Variants in TOP1 observed in about 807,000 individuals in gnomAD.
The protein encoded by TOP1 is DNA topoisomerase I, also known as DNA topoisomerase 1.
A neutral mutation model predicts 111.1 loss-of-function variants in TOP1; 10 were observed. The ratio of observed to expected loss-of-function variants is 0.09; its 90% CI spans 0.06 to 0.15. The LOEUF (loss-of-function observed/expected upper bound fraction) is 0.15, where lower values mean the gene tolerates loss of function less well. Ranked by LOEUF, TOP1 falls within the 10% of genes least tolerant of loss-of-function variation. The pLI is 1.00. For synonymous variants in TOP1, 271 were observed against 302.9 expected (o/e 0.89, Z 1.10); for missense variants, 474 against 926.7 (o/e 0.51, Z 6.34).
chr20:41,073,270 T>C, intron 3 of TOP1: 1 of 984,330 alleles, frequency 1.0e-6, no homozygotes. Flanking sequence ...ATGCTTTCAC[T>C]GAGAAAGAGA....
At chr20:41,103,224 C>T (rs1347150877) in intron 13 of TOP1, among the ~76,000 whole-genome samples, 3 of 152,104 alleles carry the variant, frequency 2.0e-5, no homozygotes, top group African/African-American at 4.8e-5. Flanking sequence ...CTAAGCATAC[C>T]GCACATACAT....
In TOP1 at chr20:41,029,946, A is replaced by G. The variant is rs533776451; in HGVS notation, c.58+491A>G. On this transcript the variant is annotated intron_variant, in intron 2 of 20. Coordinates refer to ENST00000361337, the MANE Select transcript of TOP1 (RefSeq NM_003286.4). The surrounding 1 kb of genome is among the most constrained non-coding windows in gnomAD (Gnocchi z 6.1). ...ACTGAATTATTATTTTTTAAACTTT[A>G]TTTTGGGGGTTATTCCCTTTATGCT... is the stretch of plus-strand genomic sequence containing the variant. 1.3e-5 allele frequency among the ~76,000 whole-genome samples: 2 copies of G among 152,134 alleles called. No individual in the cohort carries two copies. Among genetic ancestry groups the G allele is most frequent in the East Asian group, 3.9e-4 (2 of 5,192 alleles).
chr20:41,115,410 C>G lies in TOP1; in HGVS notation c.1678C>G (p.Pro560Ala), dbSNP rs1257438090. The change falls in exon 16 of 21, where the codon CCC becomes GCC. Residue 560 changes from proline to alanine, a missense_variant. Physicochemically the swap from Pro to Ala is conservative, Grantham distance 27. Transcript: ENST00000361337. This position sits in a 1 kb window ranked among gnomAD's most constrained non-coding sequence, Gnocchi z 6.3. ...NLQLFMENKQ[P>A]EDDLFDRLNT... ...ACAACTATTTATGGAGAACAAGCAG[C>G]CCGAGGATGATCTTTTTGATAGACT... 4 of 1,612,778 alleles carry G rather than the reference C, an allele frequency of 2.5e-6. No individual in the cohort carries two copies. The Admixed American group carries it at 6.7e-5, about 27-fold the overall frequency.
rs964000082 is a variant in TOP1, at chr20:41,118,467, G to A, written c.1950+171G>A. Among the ~76,000 whole-genome samples the A allele has an allele frequency of 4.6e-5, 7 of 152,326 alleles. No individual in the cohort carries two copies. Among genetic ancestry groups the A allele is most frequent in the Non-Finnish European group, 1.0e-4 (7 of 68,042 alleles). ...GTAGTTAATCTCTGATCAAGATACTGAATATCAGAGTATCCATTATTCAAG... is the reference window on the plus strand; with the variant it reads ...GTAGTTAATCTCTGATCAAGATACTAAATATCAGAGTATCCATTATTCAAG... On this transcript the variant is annotated intron_variant, in intron 18 of 20. Coordinates refer to ENST00000361337, the MANE Select transcript of TOP1 (RefSeq NM_003286.4). This position sits in a 1 kb window ranked among gnomAD's most constrained non-coding sequence, Gnocchi z 4.6.
In TOP1 at chr20:41,029,677, C is replaced by T; in HGVS notation, c.58+222C>T. The stretch of plus-strand genomic sequence containing the variant: ...CCTCCCAAGAGGGGACAACGGAGAC[C>T]CCGTGTCGTCCGCCACCGGGCCTCG... On this transcript the variant is annotated intron_variant, in intron 2 of 20. Coordinates refer to ENST00000361337, the MANE Select transcript of TOP1 (RefSeq NM_003286.4). The surrounding 1 kb of genome is among the most constrained non-coding windows in gnomAD (Gnocchi z 6.1). 3 of 615,472 alleles carry T rather than the reference C, an allele frequency of 4.9e-6. No homozygotes were observed. The highest frequency in any genetic ancestry group is 8.9e-6 in the Non-Finnish European group (3 of 337,438). The allele number at this position is 615,472 out of a possible 1,614,324, so 38.1% of individuals were successfully genotyped here.
At chr20:41,070,905 A>G (rs888353129) in intron 3 of TOP1, among the ~76,000 whole-genome samples, 8 of 152,204 alleles carry the variant, frequency 5.3e-5, no homozygotes, top group Non-Finnish European at 1.0e-4. Context: ...TGAGTTACTT[A>G]ACTTGTCTGT....
At chr20:41,113,015 T>C (rs928790766) in intron 14 of TOP1, 90 bp downstream of exon 14, 3 of 1,321,426 alleles carry the variant, frequency 2.3e-6, no homozygotes, top group African/African-American at 1.5e-5. Context: ...ACATACTGTA[T>C]ATCACAACTC....
rs575526199 is a variant in TOP1, at chr20:41,079,074, TGGTTAG to T, written c.336-1007_336-1002del. Among the ~76,000 whole-genome samples the T allele has an allele frequency of 6.6e-6, 1 of 152,274 alleles. No homozygotes were observed. The highest frequency in any genetic ancestry group is 2.4e-5 in the African/African-American group (1 of 41,554). On this transcript the variant is annotated intron_variant, in intron 5 of 20. Coordinates refer to ENST00000361337, the MANE Select transcript of TOP1 (RefSeq NM_003286.4). The surrounding 1 kb of genome is among the most constrained non-coding windows in gnomAD (Gnocchi z 4.0). ...GGGAACAGCTGTAGAAGCTGGCATTTGGTTAGGGTGCTAAAATAAGTTCTTTAAACA... is the reference window on the plus strand; with the variant it reads ...GGGAACAGCTGTAGAAGCTGGCATTTGGTGCTAAAATAAGTTCTTTAAACA...
intron 2 of TOP1, among the ~76,000 whole-genome samples, chr20:41,052,999 CA>C (rs200786701): frequency 4.6e-5 from 7 of 151,046 alleles, no homozygotes; most frequent in Non-Finnish European, 8.9e-5. Context: ...AAACAAACAA[CA>C]AAAAAAAACT....
intron 2 of TOP1, among the ~76,000 whole-genome samples, chr20:41,038,796 G>A (rs1397186053): frequency 1.3e-5 from 2 of 152,024 alleles, no homozygotes; most frequent in African/African-American, 4.8e-5. Flanking sequence ...GATCAGCCTG[G>A]GCAACATGGG....
rs2033077760 is a variant in TOP1 at position 41,028,999 on chromosome 20, GGCCGGTTCGCCGTCTGCGTCTCCCCCAC to G, written c.-64_-37del. On this transcript the variant is annotated 5_prime_UTR_variant, in exon 1 of 21. Transcript: ENST00000361337. ...TCCGGAGTCCCCGTCCGCCCGCACA[GGCCGGTTCGCCGTCTGCGTCTCCCCCAC>G]GCCGCCTCGCCTGCCGCCGCGCTCG... The G allele has an allele frequency of 9.1e-6, 13 of 1,427,320 alleles. No homozygotes were observed. The South Asian group carries it at 1.5e-4, about 16-fold the overall frequency. The allele number at this position is 1,427,320 out of a possible 1,614,324, so 88.4% of individuals were successfully genotyped here.
intron 8 of TOP1, among the ~76,000 whole-genome samples, chr20:41,088,510 A>T (rs1019593163): frequency 1.3e-5 from 2 of 152,150 alleles, no homozygotes; most frequent in Non-Finnish European, 2.9e-5. Context: ...CTCAAAAAAT[A>T]AATAAATAAA....
At chr20:41,068,557 T>G (rs1230158065) in intron 3 of TOP1, among the ~76,000 whole-genome samples, 1 of 152,154 alleles carries the variant, frequency 6.6e-6, no homozygotes, top group African/African-American at 2.4e-5. Context: ...TGCACCACCA[T>G]GCTTGGTTAA....
At chr20:41,059,848 T>A (rs1056928752) in intron 2 of TOP1, among the ~76,000 whole-genome samples, 2 of 152,226 alleles carry the variant, frequency 1.3e-5, no homozygotes, top group African/African-American at 4.8e-5. Context: ...AACTAGGTAG[T>A]AAGAAGACCA....
intron 13 of TOP1, among the ~76,000 whole-genome samples, chr20:41,108,757 C>A (rs1356475067): frequency 6.6e-6 from 1 of 152,162 alleles, no homozygotes. Context: ...CCTGCAGTTT[C>A]AACCAAAGAA....
At chr20:41,059,240 A>G (rs570141347) in intron 2 of TOP1, among the ~76,000 whole-genome samples, 85 of 151,938 alleles carry the variant, frequency 5.6e-4, no homozygotes, top group Non-Finnish European at 1.1e-3. Context: ...TTCCTGGGTG[A>G]TGAAATAATC....
Position 41,123,542 on chromosome 20 carries a change from G to C in TOP1, c.*245G>C, listed in dbSNP as rs1371373641. On this transcript the variant is annotated 3_prime_UTR_variant, in exon 21 of 21. Coordinates refer to ENST00000361337, the MANE Select transcript of TOP1 (RefSeq NM_003286.4). This position sits in a 1 kb window ranked among gnomAD's most constrained non-coding sequence, Gnocchi z 5.8. ...AGCTGTATGATTTGTTTTGAATTTT[G>C]TTTTTATTTTCAAGAGGGCAAGTGG... 3 of 393,446 alleles carry C rather than the reference G, an allele frequency of 7.6e-6. No homozygotes were observed. The East Asian group carries it at 1.2e-4, about 16-fold the overall frequency. 24.4% of individuals were successfully genotyped at this position (393,446 alleles called of 1,614,324 possible).
chr20:41,087,396 G>A (rs1288608355), intron 8 of TOP1, among the ~76,000 whole-genome samples: 4 of 152,224 alleles, frequency 2.6e-5, no homozygotes, highest in Admixed American at 1.3e-4. Flanking sequence ...GGGAATATAA[G>A]TTGCCAGTTA....
At chr20:41,074,745 A>G (rs1029408429) in intron 3 of TOP1, among the ~76,000 whole-genome samples, 21 of 152,202 alleles carry the variant, frequency 1.4e-4, no homozygotes, top group Non-Finnish European at 2.9e-5. Context: ...TCCCTTTAGA[A>G]CAAACTTCAT....
Sources: gnomAD v4.1 joint callset for allele counts (sites outside exome capture counted in the v4.1 genomes callset) on GRCh38, gnomAD v4.1.1 for gene constraint, Gnocchi (gnomAD v3.1) non-coding constraint, MANE v1.5 for transcripts, NCBI Gene and HGNC (gene_info 2026-07-23, HGNC 2026-07-21) for gene names.